TJP1: variants seen among roughly 807,000 people sequenced by gnomAD.
The protein encoded by TJP1 is tight junction protein 1.
Under a neutral mutation model 194.2 loss-of-function variants are expected in TJP1, and 43 were observed. The observed-to-expected ratio is 0.22, with a 90% CI of 0.17 to 0.29. The LOEUF (loss-of-function observed/expected upper bound fraction) is 0.29. TJP1 is among the 10% of genes least tolerant of loss of function. The probability of loss-of-function intolerance (pLI) is 1.00; values close to 1 mark genes in which losing one functional copy is unlikely to be tolerated. For missense variants in TJP1, 1,971 were observed against 2,185.7 expected, an observed-to-expected ratio of 0.90 and a Z score of 1.96; for synonymous variants, 801 against 779.0, an observed-to-expected ratio of 1.03 and a Z score of -0.47.
chr15:29,707,388 G>A (rs548288834), intron 25 of TJP1, among the ~76,000 whole-genome samples: 4 of 152,100 alleles, frequency 2.6e-5, no homozygotes, highest in Admixed American at 6.5e-5. Flanking sequence ...GACATCCTAC[G>A]ACACAACATC....
At chr15:29,800,136 C>A (rs182403899) in intron 2 of TJP1, among the ~76,000 whole-genome samples, 11 of 152,316 alleles carry the variant, frequency 7.2e-5, no homozygotes, top group Middle Eastern at 3.4e-3. Context: ...AGTCTCACTT[C>A]GGACAAAGTT....
intron 1 of TJP1, among the ~76,000 whole-genome samples, chr15:29,959,694 CAA>C (rs2056085688): frequency 6.6e-6 from 1 of 152,174 alleles, no homozygotes; most frequent in Non-Finnish European, 1.5e-5. Context: ...AGTTACATTT[CAA>C]AGAGTCCTCA....
Position 29,727,109 on chromosome 15 carries a change from CGAGGTGGGTGAATCACTT to C in TJP1, c.2101-136_2101-119del, listed in dbSNP as rs559230962. The C allele has an allele frequency of 5.4e-5, 45 of 839,500 alleles. No homozygotes were observed. The East Asian group carries it at 1.0e-3, about 19-fold the overall frequency. 52.0% of individuals were successfully genotyped at this position (839,500 alleles called of 1,614,324 possible). A position where few individuals can be genotyped will look rare whatever the true frequency, so the allele number is the denominator to read the frequency against. On this transcript the variant is annotated intron_variant, in intron 16 of 27. Coordinates refer to ENST00000614355, the MANE Select transcript of TJP1 (RefSeq NM_001330239.4). ...CTATAATCCTAGCACTTTGGGAGGT[CGAGGTGGGTGAATCACTT>C]GAGGCCAGGAGTTCCAGACCAGCCT...
In TJP1 at chr15:29,718,939, T is replaced by C; in HGVS notation, c.3203A>G (p.Asp1068Gly). The C allele has an allele frequency of 3.1e-6, 5 of 1,614,190 alleles. No individual in the cohort carries two copies. The highest frequency in any genetic ancestry group is 4.2e-6 in the Non-Finnish European group (5 of 1,180,036). ...ATGTTCATAGTTTCGAGAAAACTGG[T>C]CCGTATAGCTTGAGGACTCGTATCT... is the stretch of plus-strand genomic sequence containing the variant. ...TYRYESSSYT[D>G]QFSRNYEHRL... is the part of the protein sequence containing the mutation. The change falls in exon 21 of 28, where the codon GAC becomes GGC. Residue 1068 changes from aspartate (D) to glycine (G), a missense_variant. Transcript: ENST00000614355.
intron 2 of TJP1, among the ~76,000 whole-genome samples, chr15:29,943,057 A>C (rs1048516351): frequency 6.6e-6 from 1 of 152,224 alleles, no homozygotes; most frequent in Non-Finnish European, 1.5e-5. Context: ...AGATGAAAGA[A>C]TAAATAAAAT....
At chr15:29,765,789 G>A (rs1375157484) in intron 5 of TJP1, among the ~76,000 whole-genome samples, 1 of 152,180 alleles carries the variant, frequency 6.6e-6, no homozygotes, top group East Asian at 1.9e-4. Context: ...CTACCAGGGA[G>A]GCTGAAGTGG....
chr15:29,730,991 G>C, intron 15 of TJP1: 2 of 1,298,750 alleles, frequency 1.5e-6, no homozygotes, highest in Non-Finnish European at 2.2e-6. Flanking sequence ...AGTGAAGTGT[G>C]TGCATTTTTG....
chr15:29,869,795 C>CTTTT (rs11318770), intron 2 of TJP1, among the ~76,000 whole-genome samples: 936 of 56,124 alleles, frequency 0.017, 1 homozygote, highest in Non-Finnish European at 0.02. Context: ...TTCTTTCTTT[C>CTTTT]TTTTTTTTTT....
intron 1 of TJP1, among the ~76,000 whole-genome samples, chr15:29,818,618 C>T (rs1409637214): frequency 6.6e-6 from 1 of 151,794 alleles, no homozygotes; most frequent in African/African-American, 2.4e-5. Context: ...GTTTCTCCTG[C>T]CTCAGCCTTC....
intron 2 of TJP1, among the ~76,000 whole-genome samples, chr15:29,849,982 G>A (rs566955566): frequency 5.3e-5 from 8 of 152,012 alleles, no homozygotes; most frequent in Middle Eastern, 3.2e-3. Context: ...TGGATCACTC[G>A]CTCTGGGGAA....
At chr15:29,931,803 C>T (rs533855324) in intron 2 of TJP1, among the ~76,000 whole-genome samples, 24 of 152,324 alleles carry the variant, frequency 1.6e-4, no homozygotes, top group South Asian at 8.3e-4. Context: ...AATAAAAGAA[C>T]GGCTACTCTA....
intron 10 of TJP1, among the ~76,000 whole-genome samples, chr15:29,738,530 A>AGC (rs1341578567): frequency 2.0e-5 from 3 of 152,146 alleles, no homozygotes; most frequent in African/African-American, 7.2e-5. Flanking sequence ...CATAAAAGTA[A>AGC]GAGCCTGAGA....
At chr15:29,863,322 ATTGC>A (rs2052167874) in intron 2 of TJP1, among the ~76,000 whole-genome samples, 1 of 151,738 alleles carries the variant, frequency 6.6e-6, no homozygotes, top group South Asian at 2.1e-4. Flanking sequence ...AATAAATCTG[ATTGC>A]TTGCAATATG....
chr15:29,764,709 A>T (rs2151561270), intron 5 of TJP1, among the ~76,000 whole-genome samples: 1 of 152,360 alleles, frequency 6.6e-6, no homozygotes, highest in Middle Eastern at 3.4e-3. Flanking sequence ...ATAGAAACAC[A>T]TTCAACTGAA....
intron 24 of TJP1, among the ~76,000 whole-genome samples, chr15:29,710,277 C>T (rs976528665): frequency 2.6e-5 from 4 of 152,104 alleles, no homozygotes; most frequent in Admixed American, 1.3e-4. Context: ...AACTATAACA[C>T]ATCTGCTTGA....
intron 1 of TJP1, among the ~76,000 whole-genome samples, chr15:29,964,303 G>C (rs1442184104): frequency 3.9e-5 from 6 of 152,168 alleles, no homozygotes; most frequent in Non-Finnish European, 7.3e-5. Flanking sequence ...ATGGCCTGCA[G>C]AAGAATCTGT....
At chr15:29,918,505 C>T (rs1718980) in intron 2 of TJP1, among the ~76,000 whole-genome samples, 14,416 of 152,028 alleles carry the variant, frequency 0.095, 1,454 homozygotes, top group African/African-American at 0.26. Flanking sequence ...GGGACCAAGG[C>T]GGGTGGGTTG....
intron 2 of TJP1, among the ~76,000 whole-genome samples, chr15:29,892,897 A>C (rs1485021371): frequency 6.6e-6 from 1 of 152,236 alleles, no homozygotes; most frequent in East Asian, 1.9e-4. Flanking sequence ...CCATAGATTA[A>C]GGAGTAATTT....
At chr15:29,831,052 AG>A (rs1257861744) in intron 2 of TJP1, among the ~76,000 whole-genome samples, 11 of 152,226 alleles carry the variant, frequency 7.2e-5, no homozygotes, top group Non-Finnish European at 1.5e-5. Flanking sequence ...AAAAAAGAGC[AG>A]GAAAGCAAGA....
Sources: gnomAD v4.1 joint callset for allele counts (sites outside exome capture counted in the v4.1 genomes callset) on GRCh38, gnomAD v4.1.1 for gene constraint, MANE v1.5 for transcripts, NCBI Gene and HGNC (gene_info 2026-07-23, HGNC 2026-07-21) for gene names.